Variants in POMP observed in about 807,000 individuals in gnomAD.
The protein encoded by POMP is proteasome maturation protein.
POMP carries 12 observed loss-of-function variants against 20.6 expected under a neutral mutation model. That is an observed-to-expected ratio of 0.58 (90% CI 0.37 to 0.94). The LOEUF is 0.94. Among genes scored for constraint, POMP ranks in the 40% least tolerant of loss-of-function variants. The pLI, the probability that POMP is intolerant of heterozygous loss-of-function variation, is 0.01. For synonymous variants in POMP, 53 were observed against 55.0 expected, an observed-to-expected ratio of 0.96 and a Z score of 0.16; for missense variants, 136 against 161.1, an observed-to-expected ratio of 0.84 and a Z score of 0.84.
intron 1 of POMP, 91 bp downstream of exon 1, chr13:28,659,278 T>TGGCGGCGGC: frequency 6.5e-7 from 1 of 1,530,396 alleles, no homozygotes; most frequent in Non-Finnish European, 8.8e-7. Flanking sequence ...CCGTCCCCGG[T>TGGCGGCGGC]GGCGGCGGCG....
At chr13:28,667,749 C>T (rs563962560) in intron 3 of POMP, among the ~76,000 whole-genome samples, 2 of 152,298 alleles carry the variant, frequency 1.3e-5, no homozygotes, top group Admixed American at 1.3e-4. Context: ...ATCTTTGTAA[C>T]AGTCTGTTTG....
chr13:28,675,832 A>G (rs1276129898), intron 5 of POMP, among the ~76,000 whole-genome samples: 1 of 152,092 alleles, frequency 6.6e-6, no homozygotes, highest in Non-Finnish European at 1.5e-5. Flanking sequence ...GGGGCCAGTG[A>G]ATTATATGGC....
Position 28,662,464 on chromosome 13 carries a change from T to C in POMP, c.58T>C (p.Ser20Pro), listed in dbSNP as rs1307469061. The C allele has an allele frequency of 1.2e-6, 2 of 1,613,888 alleles. No homozygotes were observed. Among genetic ancestry groups the C allele is most frequent in the Admixed American group, 3.3e-5 (2 of 60,002 alleles). Residue 20 changes from serine to proline, a missense_variant, in exon 2 of 6, where the codon TCA becomes CCA. Coordinates refer to ENST00000380842, the MANE Select transcript of POMP (RefSeq NM_015932.6). The part of the protein sequence containing the change: ...LKDSIPVTEL[S>P]ASGPFESHDL... ...GGACAGTATTCCAGTTACTGAACTTTCAGCAAGTGGACCTTTTGAAAGTCA... is the reference window on the plus strand; with the variant it reads ...GGACAGTATTCCAGTTACTGAACTTCCAGCAAGTGGACCTTTTGAAAGTCA...
intron 5 of POMP, among the ~76,000 whole-genome samples, chr13:28,677,319 G>C (rs1256089713): frequency 6.6e-6 from 1 of 151,854 alleles, no homozygotes; most frequent in East Asian, 1.9e-4. Flanking sequence ...TGTTCCTCTT[G>C]GTAGCCACCA....
At chr13:28,677,937 G>T in intron 5 of POMP, 98 bp from the exon 6 acceptor site, 1 of 1,260,422 alleles carries the variant, frequency 7.9e-7, no homozygotes, top group Non-Finnish European at 1.1e-6. Context: ...ATAACTTTAG[G>T]TTAGTTTTGA....
At chr13:28,676,339 C>T (rs1884628843) in intron 5 of POMP, among the ~76,000 whole-genome samples, 2 of 152,144 alleles carry the variant, frequency 1.3e-5, no homozygotes, top group African/African-American at 4.8e-5. Flanking sequence ...TTGGAGGGGA[C>T]AAACATCCAA....
At chr13:28,676,328 T>G (rs1272378958) in intron 5 of POMP, among the ~76,000 whole-genome samples, 1 of 152,110 alleles carries the variant, frequency 6.6e-6, no homozygotes, top group East Asian at 1.9e-4. Context: ...CAACATGAGA[T>G]TTGGAGGGGA....
At chr13:28,661,547 A>C (rs973736880) in intron 1 of POMP, among the ~76,000 whole-genome samples, 1 of 152,206 alleles carries the variant, frequency 6.6e-6, no homozygotes, top group Non-Finnish European at 1.5e-5. Context: ...ATATATTTTC[A>C]TAAGCTGAAG....
In POMP at chr13:28,664,581, A is replaced by G. The variant is rs1298320205; in HGVS notation, c.162+12A>G. On this transcript the variant is annotated intron_variant, in intron 3 of 5. Coordinates refer to ENST00000380842, the MANE Select transcript of POMP (RefSeq NM_015932.6). ...TATCAGAAAAAAATGTAAGTATATTATTATGTCCTTATTTTTATCTTCTAA... is the reference window on the plus strand; with the variant it reads ...TATCAGAAAAAAATGTAAGTATATTGTTATGTCCTTATTTTTATCTTCTAA... The G allele has an allele frequency of 7.1e-7, 1 of 1,415,706 alleles. No individual in the cohort carries two copies. The highest frequency in any genetic ancestry group is 9.9e-7 in the Non-Finnish European group (1 of 1,009,008). The allele number at this position is 1,415,706 out of a possible 1,614,324, so 87.7% of individuals were successfully genotyped here. A position where few individuals can be genotyped will look rare whatever the true frequency, so the allele number is the denominator to read the frequency against.
At chr13:28,663,713 C>T (rs1884389665) in intron 2 of POMP, among the ~76,000 whole-genome samples, 1 of 152,144 alleles carries the variant, frequency 6.6e-6, no homozygotes, top group Non-Finnish European at 1.5e-5. Flanking sequence ...AAAAATGCAG[C>T]ATATAGCCTG....
intron 2 of POMP, among the ~76,000 whole-genome samples, chr13:28,662,910 T>C (rs1274748125): frequency 1.3e-5 from 2 of 152,352 alleles, no homozygotes; most frequent in East Asian, 3.9e-4. Context: ...ATCGTGGCTC[T>C]GCTCTTTACT....
At chr13:28,675,143 A>ATT (rs368292851) in intron 5 of POMP, among the ~76,000 whole-genome samples, 122 of 150,712 alleles carry the variant, frequency 8.1e-4, no homozygotes, top group African/African-American at 2.2e-3. Flanking sequence ...GTTTAGGTAG[A>ATT]TTTTTTTTGT....
chr13:28,663,542 T>G (rs1884386099), intron 2 of POMP, among the ~76,000 whole-genome samples: 1 of 152,182 alleles, frequency 6.6e-6, no homozygotes, highest in South Asian at 2.1e-4. Context: ...ACTCCTGACC[T>G]CCAGTGATCC....
intron 4 of POMP, among the ~76,000 whole-genome samples, chr13:28,671,631 C>T (rs563250544): frequency 2.0e-5 from 3 of 151,316 alleles, no homozygotes; most frequent in African/African-American, 4.9e-5. Context: ...CTTCCTCCCA[C>T]TTCCTTTTTT....
rs577693107 is a variant in POMP at position 28,674,551 on chromosome 13, A to G, written c.358+2119A>G. Reference sequence around the variant, plus strand: ...CCAGCATATATAAGAGCACTTTAAGAAGGCCCATATGGCTGGCATGTTTTG... The same window carrying G: ...CCAGCATATATAAGAGCACTTTAAGGAGGCCCATATGGCTGGCATGTTTTG... On this transcript the variant is annotated intron_variant, in intron 5 of 5. Transcript: ENST00000380842. Among the ~76,000 whole-genome samples the G allele has an allele frequency of 4.6e-5, 7 of 152,330 alleles. No homozygotes were observed. The South Asian group carries it at 1.5e-3, about 32-fold the overall frequency.
At chr13:28,668,683 C>T in intron 4 of POMP, 109 bp downstream of exon 4, 1 of 862,402 alleles carries the variant, frequency 1.2e-6, no homozygotes, top group South Asian at 1.4e-5. Flanking sequence ...ATTCTACTTC[C>T]CTCCCCCTTT....
chr13:28,675,523 T>C (rs1381307235), intron 5 of POMP, among the ~76,000 whole-genome samples: 3 of 152,192 alleles, frequency 2.0e-5, no homozygotes, highest in Non-Finnish European at 4.4e-5. Context: ...GGAACTGTTA[T>C]TGCATAATAT....
At position 28,661,222 on chromosome 13, in the gene POMP, G is replaced by A. The variant is rs560868471; in HGVS notation, c.4-1188G>A. On this transcript the variant is annotated intron_variant, in intron 1 of 5. Transcript: ENST00000380842. ...TGACACCTGTAATTCCAGCACTTTG[G>A]GGGGTGCTGAGGCAGGAAGATGGCT... Among the ~76,000 whole-genome samples, 17 of 152,140 alleles carry A rather than the reference G, an allele frequency of 1.1e-4. 1 individual carries two copies. Among genetic ancestry groups the A allele is most frequent in the African/African-American group, 3.1e-4 (13 of 41,424 alleles).
intron 5 of POMP, among the ~76,000 whole-genome samples, chr13:28,675,718 T>A (rs1194980761): frequency 1.4e-5 from 2 of 141,644 alleles, no homozygotes; most frequent in Non-Finnish European, 3.0e-5. Context: ...GTAAAGAAAA[T>A]TTATTTTGGC....
Sources: gnomAD v4.1 joint callset for allele counts (sites outside exome capture counted in the v4.1 genomes callset) on GRCh38, gnomAD v4.1.1 for gene constraint, MANE v1.5 for transcripts, NCBI Gene and HGNC (gene_info 2026-07-23, HGNC 2026-07-21) for gene names.